The following EIF5B variants were observed in gnomAD, a reference collection of about 807,000 sequenced individuals.
The protein encoded by EIF5B is eukaryotic translation initiation factor 5B, also known as eIF-5B.
EIF5B carries 47 observed loss-of-function variants against 147.5 expected under a neutral mutation model. The ratio of observed to expected loss-of-function variants is 0.32; its 90% CI spans 0.25 to 0.41. EIF5B has a LOEUF of 0.41. Among genes scored for constraint, EIF5B ranks in the 10% least tolerant of loss-of-function variants. The pLI, the probability that EIF5B is intolerant of heterozygous loss-of-function variation, is 1.00. For missense variants in EIF5B, 1,064 were observed against 1,413.2 expected (o/e 0.75, Z 3.96); for synonymous variants, 455 against 456.2 (o/e 1.00, Z 0.03).
rs1307679524 is a variant in EIF5B at position 99,364,461 on chromosome 2, C to T, written c.1288+40C>T. The T allele has an allele frequency of 3.3e-6, 5 of 1,530,758 alleles. No homozygotes were observed. The East Asian group carries it at 1.1e-4, about 34-fold the overall frequency. 94.8% of individuals were successfully genotyped at this position (1,530,758 alleles called of 1,614,324 possible). On this transcript the variant is annotated intron_variant, in intron 6 of 23. Transcript: ENST00000289371. ...TCATTAACTGAATGGTCAGAGAGCTCTGCACATGCAGTTATATCCCTTAAT... is the reference window on the plus strand; with the variant it reads ...TCATTAACTGAATGGTCAGAGAGCTTTGCACATGCAGTTATATCCCTTAAT...
At chr2:99,385,064 GA>G (rs1674772453) in intron 14 of EIF5B, among the ~76,000 whole-genome samples, 1 of 147,432 alleles carries the variant, frequency 6.8e-6, no homozygotes, top group African/African-American at 2.5e-5. Context: ...TTTTTTTTTT[GA>G]GACAGAGTTT....
At chr2:99,351,377 T>G (rs1392517244) in intron 1 of EIF5B, among the ~76,000 whole-genome samples, 6 of 152,258 alleles carry the variant, frequency 3.9e-5, no homozygotes, top group Non-Finnish European at 8.8e-5. Flanking sequence ...TTTGGGTTGT[T>G]TCCAGCTTTT....
chr2:99,361,031 TTGA>T, intron 3 of EIF5B, 114 bp from the exon 4 acceptor site: 4 of 1,080,316 alleles, frequency 3.7e-6, no homozygotes, highest in Non-Finnish European at 5.0e-6. Context: ...GAAAAAGACT[TTGA>T]AAAAGATTTT....
rs1674966005 is a variant in EIF5B, at chr2:99,392,876, C to T, written c.2749-91C>T. The T allele has an allele frequency of 1.4e-5, 17 of 1,194,130 alleles. No individual in the cohort carries two copies. The East Asian group carries it at 4.9e-4, about 34-fold the overall frequency. 74.0% of individuals were successfully genotyped at this position (1,194,130 alleles called of 1,614,324 possible). ...TTTGTGCCTCGTTTAAGAAACCTCT[C>T]TCTAATATCATGATGAGATTCTCTT... is the stretch of plus-strand genomic sequence containing the variant. On this transcript the variant is annotated intron_variant, in intron 17 of 23. Coordinates refer to ENST00000289371, the MANE Select transcript of EIF5B (RefSeq NM_015904.4).
At position 99,363,857 on chromosome 2, in the gene EIF5B, G is replaced by A; in HGVS notation, c.1132G>A (p.Glu378Lys). Residue 378 changes from glutamate to lysine, a missense_variant, in exon 5 of 24, where the codon GAA becomes AAA. This residue lies in a region of EIF5B where 458 missense variants were observed against 451.3 expected (regional missense o/e 1.01). Transcript: ENST00000289371. The stretch of plus-strand genomic sequence containing the variant: ...TGAAGAATTAGAAGCCAAGCGTAAA[G>A]AAGAGGTATGTTTTCATGAAGTTGG... The part of the protein sequence containing the change: ...RLEELEAKRK[E>K]EERLEQEKRE... The A allele has an allele frequency of 6.2e-7, 1 of 1,604,112 alleles. No individual in the cohort carries two copies. The highest frequency in any genetic ancestry group is 8.5e-7 in the Non-Finnish European group (1 of 1,177,558).
In EIF5B at chr2:99,361,571, A is replaced by G. The variant is rs770326675; in HGVS notation, c.670A>G (p.Lys224Glu). 6.2e-7 allele frequency: 1 copy of G among 1,612,158 alleles called. No homozygotes were observed. Among genetic ancestry groups the G allele is most frequent in the Non-Finnish European group, 8.5e-7 (1 of 1,179,612 alleles). ...GAATGAAGATGATGACGCCTCCTTC[A>G]AAATTAAGACAGTGGCCCAAAAGAA... is the stretch of plus-strand genomic sequence containing the variant. ...SGNEDDDASF[K>E]IKTVAQKKAE... Residue 224 changes from lysine (K) to glutamate (E), a missense_variant, in exon 4 of 24, where the codon AAA (lysine) becomes GAA (glutamate). Lys to Glu is a moderately conservative substitution (Grantham distance 56). Around this residue, in one of 4 missense-constraint regions of EIF5B, gnomAD observed 458 missense variants for 451.3 expected, o/e 1.01. Coordinates refer to ENST00000289371, the MANE Select transcript of EIF5B (RefSeq NM_015904.4).
intron 1 of EIF5B, among the ~76,000 whole-genome samples, chr2:99,357,595 A>G (rs1366662818): frequency 6.6e-6 from 1 of 152,196 alleles, no homozygotes; most frequent in East Asian, 1.9e-4. Flanking sequence ...AGAGATGTTT[A>G]TTGATGAATT....
Position 99,368,545 on chromosome 2 carries a change from A to C in EIF5B, c.1341A>C (p.Glu447Asp). 6.2e-7 allele frequency: 1 copy of C among 1,613,846 alleles called. No homozygotes were observed. The change falls in exon 7 of 24, where the codon GAA (glutamate) becomes GAC (aspartate). Residue 447 changes from glutamate to aspartate, a missense_variant. Coordinates refer to ENST00000289371, the MANE Select transcript of EIF5B (RefSeq NM_015904.4). ...TGCCAAAGAAGAGGCCAATTTATGA[A>C]GATAAAAAGAGGAAAAAAATACCAC... Reference protein sequence around the residue: ...DSLPKKRPIYEDKKRKKIPQQ... With the variant: ...DSLPKKRPIYDDKKRKKIPQQ...
At chr2:99,376,967 T>G (rs1386223936) in intron 10 of EIF5B, among the ~76,000 whole-genome samples, 1 of 152,202 alleles carries the variant, frequency 6.6e-6, no homozygotes, top group South Asian at 2.1e-4. Context: ...CAGTTATGTG[T>G]TTGCCTCACA....
intron 14 of EIF5B, among the ~76,000 whole-genome samples, chr2:99,385,979 G>A (rs1674798143): frequency 1.3e-5 from 2 of 152,186 alleles, no homozygotes; most frequent in African/African-American, 4.8e-5. Context: ...CATATAGTAT[G>A]TAATTTTTTA....
Position 99,361,439 on chromosome 2 carries a change from A to G in EIF5B, c.538A>G (p.Ile180Val), listed in dbSNP as rs1674212031. 1.9e-6 allele frequency: 3 copies of G among 1,614,056 alleles called. No homozygotes were observed. Among genetic ancestry groups the G allele is most frequent in the African/African-American group, 2.7e-5 (2 of 75,038 alleles). Reference sequence around the variant, plus strand: ...TAAAAAAATTAAAGAGCGTTCAAGAATAAATTCTTCTGGTGAAAGTGGTGA... The same window carrying G: ...TAAAAAAATTAAAGAGCGTTCAAGAGTAAATTCTTCTGGTGAAAGTGGTGA... ...NSKKIKERSRINSSGESGDES... is the reference protein window; with the variant it reads ...NSKKIKERSRVNSSGESGDES... Residue 180 changes from isoleucine to valine, a missense_variant, in exon 4 of 24, where the codon ATA (isoleucine) becomes GTA (valine). Physicochemically the swap from Ile to Val is conservative, Grantham distance 29. Transcript: ENST00000289371.
intron 1 of EIF5B, among the ~76,000 whole-genome samples, chr2:99,339,495 C>T (rs2094254204): frequency 6.6e-6 from 1 of 151,870 alleles, no homozygotes; most frequent in African/African-American, 2.4e-5. Flanking sequence ...TTTAGGATTA[C>T]ACAAATGTGT....
At chr2:99,359,537 G>A (rs1454148457) in intron 1 of EIF5B, among the ~76,000 whole-genome samples, 1 of 152,122 alleles carries the variant, frequency 6.6e-6, no homozygotes, top group Admixed American at 6.5e-5. Context: ...TTCATTTTCT[G>A]TAGGTTTTAG....
intron 1 of EIF5B, among the ~76,000 whole-genome samples, chr2:99,354,796 CTTTTTTT>C (rs57735386): frequency 1.0e-4 from 8 of 80,034 alleles, no homozygotes; most frequent in African/African-American, 3.3e-4. Context: ...ATTGGTTGTA[CTTTTTTT>C]TTTTTTTTTT....
rs535537374 is a variant in EIF5B at position 99,381,288 on chromosome 2, A to G, written c.2062-871A>G. On this transcript the variant is annotated intron_variant, in intron 12 of 23. Transcript: ENST00000289371. ...TTAGAACGTAAGGAACAAGATTATT[A>G]TTAGGCCTGTATTAAAGTTCTTGGG... 2.0e-5 allele frequency among the ~76,000 whole-genome samples: 3 copies of G among 152,294 alleles called. No individual in the cohort carries two copies. The South Asian group carries it at 6.2e-4, about 32-fold the overall frequency.
intron 1 of EIF5B, among the ~76,000 whole-genome samples, chr2:99,345,422 G>A (rs150180222): frequency 0.013 from 2,005 of 151,864 alleles, 24 homozygotes; most frequent in Non-Finnish European, 0.018. Flanking sequence ...GCAAAACCCC[G>A]TCTCTACTAA....
rs748535686 is a variant in EIF5B, at chr2:99,394,598, T to G, written c.3089+13T>G. On this transcript the variant is annotated intron_variant, in intron 20 of 23. Coordinates refer to ENST00000289371, the MANE Select transcript of EIF5B (RefSeq NM_015904.4). ...AACATGACCCTCAGTAAGTAATTTC[T>G]CTTGCTATGAAGGCTTTCATGTTAC... is the stretch of plus-strand genomic sequence containing the variant. 6.2e-6 allele frequency: 10 copies of G among 1,614,080 alleles called. No individual in the cohort carries two copies. In the South Asian group the frequency reaches 8.8e-5, roughly 14 times the overall value.
chr2:99,394,474 C>A (rs1349126403), intron 19 of EIF5B, 35 bp from the exon 20 acceptor site: 1 of 1,613,908 alleles, frequency 6.2e-7, no homozygotes, highest in Non-Finnish European at 8.5e-7. Context: ...TTACCTGATA[C>A]ATACAGATAA....
rs746031152 is a variant in EIF5B at position 99,379,013 on chromosome 2, T to C, written c.1843-6T>C. On this transcript the variant is annotated splice_region_variant and splice_polypyrimidine_tract_variant and intron_variant, in intron 10 of 23. Coordinates refer to ENST00000289371, the MANE Select transcript of EIF5B (RefSeq NM_015904.4). ...ATTTTTGATTTTTTTTTTTTTTTAT[T>C]TCTAGAAACGGCGACTTGAACATAG... is the stretch of plus-strand genomic sequence containing the variant. 6.6e-7 allele frequency: 1 copy of C among 1,518,176 alleles called. No homozygotes were observed. Among genetic ancestry groups the C allele is most frequent in the Admixed American group, 2.3e-5 (1 of 43,742 alleles). The allele number at this position is 1,518,176 out of a possible 1,614,324, so 94.0% of individuals were successfully genotyped here.
Sources: gnomAD v4.1 joint callset for allele counts (sites outside exome capture counted in the v4.1 genomes callset) on GRCh38, gnomAD v4.1.1 for gene constraint, gnomAD v4.1.1 regional missense constraint, MANE v1.5 for transcripts, NCBI Gene and HGNC (gene_info 2026-07-23, HGNC 2026-07-21) for gene names.